ZNF438: variants seen among roughly 807,000 people sequenced by gnomAD.
ZNF438 encodes zinc finger protein 438.
A neutral mutation model predicts 38.0 loss-of-function variants in ZNF438; 25 were observed. The ratio of observed to expected loss-of-function variants is 0.66; its 90% CI spans 0.48 to 0.92. The LOEUF (loss-of-function observed/expected upper bound fraction) is 0.92. ZNF438 is among the 40% of genes least tolerant of loss of function. ZNF438 has a pLI of 0.00. For missense variants in ZNF438, 1,007 were observed against 999.6 expected, an observed-to-expected ratio of 1.01 and a Z score of -0.10; for synonymous variants, 372 against 364.1, an observed-to-expected ratio of 1.02 and a Z score of -0.25.
intron 4 of ZNF438, among the ~76,000 whole-genome samples, chr10:30,870,154 T>C (rs1484901528): frequency 6.6e-6 from 1 of 152,208 alleles, no homozygotes; most frequent in East Asian, 1.9e-4. Context: ...GCTTTCAAAG[T>C]TTTTACAAGG....
chr10:30,864,355 G>A (rs1465473987), intron 4 of ZNF438, among the ~76,000 whole-genome samples: 1 of 152,086 alleles, frequency 6.6e-6, no homozygotes, highest in Non-Finnish European at 1.5e-5. Flanking sequence ...CTTGTGCCTC[G>A]GGGATACTGC....
rs12243363 is a variant in ZNF438 at position 31,014,409 on chromosome 10, C to A, written c.-192+17424G>T. On this transcript the variant is annotated intron_variant, in intron 1 of 5. Coordinates refer to ENST00000413025, the Ensembl canonical transcript of ZNF438. ...TTACCACTGTGTCCTCATATGGCAG[C>A]GGAAGAGCAAGAGTAAGCTCTCTGG... Among the ~76,000 whole-genome samples the A allele has an allele frequency of 4.2e-3, 640 of 152,286 alleles. 2 individuals are homozygous for A. Among genetic ancestry groups the A allele is most frequent in the African/African-American group, 0.014 (588 of 41,564 alleles).
At chr10:30,902,857 C>T (rs1443771826) in intron 3 of ZNF438, among the ~76,000 whole-genome samples, 6 of 152,216 alleles carry the variant, frequency 3.9e-5, no homozygotes, top group Admixed American at 1.3e-4. Context: ...CGTGCAGCAG[C>T]GGGTGGTGCT....
intron 1 of ZNF438, among the ~76,000 whole-genome samples, chr10:31,002,001 G>A (rs1321425098): frequency 6.6e-6 from 1 of 152,178 alleles, no homozygotes; most frequent in African/African-American, 2.4e-5. Context: ...GAGATGGAAA[G>A]TCAACAGAAA....
intron 1 of ZNF438, among the ~76,000 whole-genome samples, chr10:30,985,735 A>C (rs1454928862): frequency 1.3e-5 from 2 of 152,174 alleles, no homozygotes; most frequent in African/African-American, 4.8e-5. Flanking sequence ...ATGAACACTG[A>C]ATTAGGGAAT....
intron 3 of ZNF438, among the ~76,000 whole-genome samples, chr10:30,888,124 T>C (rs1443310478): frequency 2.0e-5 from 3 of 152,196 alleles, no homozygotes; most frequent in African/African-American, 7.2e-5. Flanking sequence ...GATAAATGTT[T>C]TAATATCTCT....
intron 4 of ZNF438, among the ~76,000 whole-genome samples, chr10:30,869,749 C>G (rs2037086881): frequency 6.6e-6 from 1 of 152,160 alleles, no homozygotes; most frequent in South Asian, 2.1e-4. Context: ...TAAAATGGTA[C>G]CAAAAGTCCA....
intron 2 of ZNF438, among the ~76,000 whole-genome samples, chr10:30,934,160 A>AAG (rs889531150): frequency 5.5e-5 from 1 of 18,290 alleles, no homozygotes; most frequent in Non-Finnish European, 1.0e-4. Flanking sequence ...AAAGAAAAAG[A>AAG]AAAAAAAAAA....
exon 5 of ZNF438, chr10:30,849,790 T>C (rs770661917): frequency 6.2e-7 from 1 of 1,613,928 alleles, no homozygotes; most frequent in South Asian, 1.1e-5. Context: ...TGGTCACTGG[T>C]GGTCTCAAGT....
chr10:30,887,533 T>C (rs1259360981), intron 3 of ZNF438, among the ~76,000 whole-genome samples: 1 of 152,136 alleles, frequency 6.6e-6, no homozygotes, highest in Non-Finnish European at 1.5e-5. Context: ...GGATTACAGA[T>C]GCCAGCCATC....
intron 1 of ZNF438, among the ~76,000 whole-genome samples, chr10:30,974,690 G>C (rs570902697): frequency 1.3e-5 from 2 of 152,232 alleles, no homozygotes; most frequent in Admixed American, 6.5e-5. Context: ...TATTCCTCTT[G>C]ACTTTACAAA....
chr10:30,999,864 CT>C (rs1166482537), intron 1 of ZNF438, among the ~76,000 whole-genome samples: 4 of 152,188 alleles, frequency 2.6e-5, no homozygotes, highest in African/African-American at 7.2e-5. Flanking sequence ...AGGGAGGAAG[CT>C]ACCTATCCAA....
intron 1 of ZNF438, among the ~76,000 whole-genome samples, chr10:30,986,678 A>C (rs2052832731): frequency 6.6e-6 from 1 of 152,160 alleles, no homozygotes; most frequent in Non-Finnish European, 1.5e-5. Context: ...TTATATACTT[A>C]TTGAGTATCC....
Position 30,848,925 on chromosome 10 carries a change from C to T in ZNF438, c.1480G>A (p.Val494Met), listed in dbSNP as rs145592963. 273 of 1,614,040 alleles carry T rather than the reference C, an allele frequency of 1.7e-4. 1 individual carries two copies. Among genetic ancestry groups the T allele is most frequent in the South Asian group, 8.8e-5 (8 of 91,084 alleles). ...ATGCCAGAGAATCCATTTCTGAACA[C>T]GGAGCTGGGCTTAGGGGAAGAGCTG... is the stretch of plus-strand genomic sequence containing the variant. The change falls in exon 5 of 6, where the codon GTG becomes ATG. Residue 494 changes from valine (V) to methionine (M), a missense_variant. Val to Met is a conservative substitution (Grantham distance 21). Transcript: ENST00000413025.
chr10:30,953,601 C>G (rs1331278132), intron 1 of ZNF438, among the ~76,000 whole-genome samples: 1 of 150,610 alleles, frequency 6.6e-6, no homozygotes, highest in Non-Finnish European at 1.5e-5. Flanking sequence ...CTAACCTGCA[C>G]AACGTGCACA....
intron 3 of ZNF438, among the ~76,000 whole-genome samples, chr10:30,894,812 A>G (rs2041126956): frequency 6.6e-6 from 1 of 152,240 alleles, no homozygotes; most frequent in African/African-American, 2.4e-5. Flanking sequence ...GTTAGAAAAG[A>G]TGCTTATAGT....
intron 1 of ZNF438, among the ~76,000 whole-genome samples, chr10:31,015,440 T>A (rs1035241455): frequency 1.1e-4 from 16 of 152,006 alleles, no homozygotes; most frequent in African/African-American, 3.9e-4. Context: ...GGTCAGGAGT[T>A]CAAGACCAGC....
In ZNF438 at chr10:30,957,935, G is replaced by A. The variant is rs1184072809; in HGVS notation, c.-191-16284C>T. ...CATTATGATTTGGTCTTGGTAGGCT[G>A]TATGACCTTTGACCTTCCTGTGCCT... is the stretch of plus-strand genomic sequence containing the variant. On this transcript the variant is annotated intron_variant, in intron 1 of 5. Transcript: ENST00000413025. Among the ~76,000 whole-genome samples the A allele has an allele frequency of 1.4e-5, 2 of 140,870 alleles. 1 individual carries two copies. The highest frequency in any genetic ancestry group is 3.3e-5 in the Non-Finnish European group (2 of 60,806). 92.4% of individuals were successfully genotyped at this position (140,870 alleles called of 152,430 possible). A position where few individuals can be genotyped will look rare whatever the true frequency, so the allele number is the denominator to read the frequency against.
chr10:30,942,315 T>C (rs1191587781), intron 1 of ZNF438, among the ~76,000 whole-genome samples: 1 of 152,194 alleles, frequency 6.6e-6, no homozygotes, highest in African/African-American at 2.4e-5. Context: ...ACCAAGGGTG[T>C]TTGGCAGAAA....
Sources: allele counts gnomAD v4.1 joint callset (sites outside exome capture counted in the v4.1 genomes callset), GRCh38; gene constraint gnomAD v4.1.1; transcripts MANE v1.5; gene names NCBI Gene and HGNC (gene_info 2026-07-23, HGNC 2026-07-21).